Variants in EVC observed in about 807,000 individuals in gnomAD.
EVC encodes the protein EvC ciliary complex subunit 1.
A neutral mutation model predicts 118.9 loss-of-function variants in EVC; 116 were observed. The ratio of observed to expected loss-of-function variants is 0.98; its 90% CI spans 0.84 to 1.14. The LOEUF is 1.14. Among genes scored for constraint, EVC ranks in the 50% most tolerant of loss-of-function variants. The pLI is 0.00. For missense variants in EVC, 1,401 were observed against 1,246.4 expected, an observed-to-expected ratio of 1.12 and a Z score of -1.87; for synonymous variants, 619 against 534.7, an observed-to-expected ratio of 1.16 and a Z score of -2.18.
At chr4:5,796,892 C>CAG in intron 13 of EVC, 130 bp from the exon 14 acceptor site, 1 of 756,854 alleles carries the variant, frequency 1.3e-6, no homozygotes, top group Non-Finnish European at 2.4e-6. Flanking sequence ...AGGATGGCAG[C>CAG]AGAGGGCGGT....
At chr4:5,762,859 T>C (rs1330080101) in intron 11 of EVC, among the ~76,000 whole-genome samples, 2 of 76,712 alleles carry the variant, frequency 2.6e-5, no homozygotes, top group Non-Finnish European at 5.6e-5. Flanking sequence ...GGTTGCCTGT[T>C]CACTCTGATG....
the EVC span, among the ~76,000 whole-genome samples, chr4:5,823,700 C>T: frequency 2.6e-5 from 4 of 152,258 alleles, no homozygotes; most frequent in African/African-American, 7.2e-5. Flanking sequence ...AGCTCTCCTT[C>T]GCCTTCTGCC....
At chr4:5,768,826 T>A (rs1236202449) in intron 11 of EVC, among the ~76,000 whole-genome samples, 1 of 61,398 alleles carries the variant, frequency 1.6e-5, no homozygotes, top group African/African-American at 5.5e-5. Flanking sequence ...CACTGTACTC[T>A]AGCCTGGTGA....
At chr4:5,817,583 C>T (rs1717908841), downstream of EVC, among the ~76,000 whole-genome samples, 1 of 152,172 alleles carries the variant, frequency 6.6e-6, no homozygotes, top group South Asian at 2.1e-4. Context: ...TTGCTAAGAG[C>T]CCCTTTTGCT....
Position 5,748,265 on chromosome 4 carries a change from G to A in EVC, c.1057G>A (p.Ala353Thr). The change falls in exon 8 of 21, where the codon GCC becomes ACC. Residue 353 changes from alanine (A) to threonine (T), a missense_variant. Physicochemically the swap from Ala to Thr is moderately conservative, Grantham distance 58. Transcript: ENST00000264956. The part of the protein sequence containing the change: ...MMTLTERMIA[A>T]EGLLCDSQEL... ...GACTCTGACGGAAAGAATGATTGCA[G>A]CCGAAGGGCTATTGTGCGATTCTCA... The A allele has an allele frequency of 6.2e-7, 1 of 1,614,146 alleles. No individual in the cohort carries two copies. The highest frequency in any genetic ancestry group is 8.5e-7 in the Non-Finnish European group (1 of 1,180,020).
chr4:5,808,434 T>G (rs1008132270), intron 18 of EVC, 107 bp downstream of exon 18: 22 of 1,545,478 alleles, frequency 1.4e-5, no homozygotes, highest in Middle Eastern at 1.7e-4. Flanking sequence ...TGCACTTCCC[T>G]GCCTGTGGCA....
Position 5,731,721 on chromosome 4 carries a change from T to A in EVC, c.617+64T>A. The A allele has an allele frequency of 6.8e-7, 1 of 1,467,870 alleles. No homozygotes were observed. Among genetic ancestry groups the A allele is most frequent in the Non-Finnish European group, 9.4e-7 (1 of 1,065,438 alleles). The allele number at this position is 1,467,870 out of a possible 1,614,324, so 90.9% of individuals were successfully genotyped here. Reference sequence around the variant, plus strand: ...CTCTTGGAGTGGGCCGGGAGTCACATCATTGTCAGAGGAGGAAACAGAGGC... The same window carrying A: ...CTCTTGGAGTGGGCCGGGAGTCACAACATTGTCAGAGGAGGAAACAGAGGC... On this transcript the variant is annotated intron_variant, in intron 4 of 20. Coordinates refer to ENST00000264956, the MANE Select transcript of EVC (RefSeq NM_153717.3). This position sits in a 1 kb window ranked among gnomAD's most constrained non-coding sequence, Gnocchi z 5.6.
chr4:5,803,284 TC>T (rs1031800018), intron 16 of EVC, among the ~76,000 whole-genome samples: 1 of 152,228 alleles, frequency 6.6e-6, no homozygotes, highest in Admixed American at 6.5e-5. Context: ...AGGAGAGTCT[TC>T]CCTGAGTGTT....
chr4:5,740,003 A>G (rs1228026820), intron 5 of EVC, among the ~76,000 whole-genome samples: 1 of 152,214 alleles, frequency 6.6e-6, no homozygotes, highest in African/African-American at 2.4e-5. Flanking sequence ...CAAAGAGGCA[A>G]AAGCACTTCA....
intron 1 of EVC, among the ~76,000 whole-genome samples, chr4:5,713,742 A>G (rs1203558890): frequency 2.0e-5 from 3 of 150,828 alleles, no homozygotes; most frequent in Non-Finnish European, 4.4e-5. Flanking sequence ...TATCTCTACT[A>G]AAAATACAAA....
At chr4:5,810,611 A>T (rs1231489606) in intron 20 of EVC, among the ~76,000 whole-genome samples, 161 bp downstream of exon 20, 2 of 152,198 alleles carry the variant, frequency 1.3e-5, no homozygotes, top group Non-Finnish European at 2.9e-5. Flanking sequence ...GTGGGCAGTA[A>T]GCCATGATGA....
rs553634958 is a variant in EVC at position 5,731,652 on chromosome 4, C to T, written c.612C>T (p.Cys204=). Residue 204 remains cysteine, a synonymous_variant, in exon 4 of 21, where the codon TGC becomes TGT. Coordinates refer to ENST00000264956, the MANE Select transcript of EVC (RefSeq NM_153717.3). The surrounding 1 kb of genome is among the most constrained non-coding windows in gnomAD (Gnocchi z 5.6). ...RVNAFPEVLA[C]ESVDVDLCIY... is the part of the protein sequence containing the mutation. ...ACGCCTTCCCTGAAGTGCTGGCCTG[C>T]GAGAGGTAAGGAGAGCGGGCAATGG... 1.7e-4 allele frequency: 281 copies of T among 1,613,786 alleles called. 3 individuals carry two copies. The South Asian group carries it at 2.8e-3, about 16-fold the overall frequency.
In EVC at chr4:5,783,575, C is replaced by T. The variant is rs773914274; in HGVS notation, c.1587C>T (p.Asp529=). 6.2e-7 allele frequency: 1 copy of T among 1,614,174 alleles called. No homozygotes were observed. Among genetic ancestry groups the T allele is most frequent in the Non-Finnish European group, 8.5e-7 (1 of 1,180,020 alleles). ...LCQELYFSTV[D]TFQKFVDALF... ...AGGAGCTGTACTTCAGCACCGTGGA[C>T]ACTTTCCAGAAGTTCGTGGATGCCC... is the stretch of plus-strand genomic sequence containing the variant. Residue 529 remains aspartate (D), a synonymous_variant, in exon 12 of 21, where the codon GAC becomes GAT. Transcript: ENST00000264956.
At chr4:5,791,281 A>G (rs185520194) in intron 12 of EVC, among the ~76,000 whole-genome samples, 1 of 152,320 alleles carries the variant, frequency 6.6e-6, no homozygotes, top group Admixed American at 6.5e-5. Flanking sequence ...GACATGGAGA[A>G]TAGGATGACA....
intron 2 of EVC, among the ~76,000 whole-genome samples, chr4:5,724,459 T>C (rs1257886868): frequency 1.3e-5 from 2 of 152,236 alleles, no homozygotes; most frequent in Non-Finnish European, 2.9e-5. Flanking sequence ...TGGCACTTAC[T>C]CTTGCTGTTA....
rs1172301461 is a variant in EVC at position 5,783,704 on chromosome 4, A to G, written c.1716A>G (p.Ser572=). 1 of 1,614,022 alleles carries G rather than the reference A, an allele frequency of 6.2e-7. No homozygotes were observed. Among genetic ancestry groups the G allele is most frequent in the South Asian group, 1.1e-5 (1 of 91,052 alleles). ...QENAAWQLGK[S]NRFRRQQWKL... ...ACGCTGCCTGGCAGCTGGGGAAGTCAAATCGCTTCCGGAGGCAGCAGTGGA... is the reference window on the plus strand; with the variant it reads ...ACGCTGCCTGGCAGCTGGGGAAGTCGAATCGCTTCCGGAGGCAGCAGTGGA... Residue 572 remains serine (S), a synonymous_variant, in exon 12 of 21, where the codon TCA becomes TCG. Coordinates refer to ENST00000264956, the MANE Select transcript of EVC (RefSeq NM_153717.3).
At chr4:5,734,694 C>T (rs1029485258) in intron 5 of EVC, among the ~76,000 whole-genome samples, 2 of 152,158 alleles carry the variant, frequency 1.3e-5, no homozygotes, top group African/African-American at 4.8e-5. Flanking sequence ...TGGGGATGTG[C>T]CTGGAAGAAG....
chr4:5,827,733 G>GCACGCACACA, the EVC span, among the ~76,000 whole-genome samples: 1 of 138,276 alleles, frequency 7.2e-6, no homozygotes, highest in African/African-American at 2.9e-5. Context: ...ATGTGCGCGT[G>GCACGCACACA]CACACACACA....
intron 15 of EVC, among the ~76,000 whole-genome samples, chr4:5,800,087 G>A (rs976971774): frequency 6.6e-6 from 1 of 152,262 alleles, no homozygotes; most frequent in African/African-American, 2.4e-5. Context: ...GCTCACGCCT[G>A]TAATCCCAGC....
Sources: gnomAD v4.1 joint callset for allele counts (sites outside exome capture counted in the v4.1 genomes callset) on GRCh38, gnomAD v4.1.1 for gene constraint, Gnocchi (gnomAD v3.1) non-coding constraint, MANE v1.5 for transcripts, NCBI Gene and HGNC (gene_info 2026-07-23, HGNC 2026-07-21) for gene names.